Variants in PLPP3 observed in about 807,000 individuals in gnomAD.
PLPP3 encodes phospholipid phosphatase 3, also known as PAP2 beta.
PLPP3 carries 6 observed loss-of-function variants against 29.6 expected under a neutral mutation model. The ratio of observed to expected loss-of-function variants is 0.20; its 90% CI spans 0.11 to 0.40. The LOEUF is 0.40. Among genes scored for constraint, PLPP3 ranks in the 10% least tolerant of loss-of-function variants. PLPP3 has a pLI of 1.00. For missense variants in PLPP3, 308 were observed against 407.7 expected (o/e 0.76, Z 2.11); for synonymous variants, 152 against 159.7 (o/e 0.95, Z 0.36).
chr1:56,524,158 C>A lies in PLPP3; in HGVS notation c.575+119G>T. The A allele has an allele frequency of 8.0e-7, 1 of 1,253,852 alleles. No individual in the cohort carries two copies. The highest frequency in any genetic ancestry group is 1.4e-5 in the South Asian group (1 of 70,202). 77.7% of individuals were successfully genotyped at this position (1,253,852 alleles called of 1,614,324 possible). A position where few individuals can be genotyped will look rare whatever the true frequency, so the allele number is the denominator to read the frequency against. On this transcript the variant is annotated intron_variant, in intron 3 of 5. Transcript: ENST00000371250. This position sits in a 1 kb window ranked among gnomAD's most constrained non-coding sequence, Gnocchi z 4.3. ...CTCAATCATCTGACTGTGAGTTCCT[C>A]AAGAATAGGAACTATGCCTTATTCA...
At position 56,524,459 on chromosome 1, in the gene PLPP3, G is replaced by T. The variant is rs754837219; in HGVS notation, c.393C>A (p.Gly131=). 6.2e-7 allele frequency: 1 copy of T among 1,614,104 alleles called. No individual in the cohort carries two copies. The highest frequency in any genetic ancestry group is 8.5e-7 in the Non-Finnish European group (1 of 1,179,948). The change falls in exon 3 of 6, where the codon GGC becomes GGA. Residue 131 remains glycine, a synonymous_variant. Coordinates refer to ENST00000371250, the MANE Select transcript of PLPP3 (RefSeq NM_003713.5). This position sits in a 1 kb window ranked among gnomAD's most constrained non-coding sequence, Gnocchi z 4.3. ...TGATGGCACAGCCAAAGAGGAAGCAGCCCACTTGCTTATAGAGTGCTGCCA... is the reference window on the plus strand; with the variant it reads ...TGATGGCACAGCCAAAGAGGAAGCATCCCACTTGCTTATAGAGTGCTGCCA... ...PYVAALYKQV[G]CFLFGCAISQ...
chr1:56,528,387 G>T (rs1645866129), intron 2 of PLPP3, among the ~76,000 whole-genome samples: 1 of 152,146 alleles, frequency 6.6e-6, no homozygotes, highest in Admixed American at 6.5e-5. Context: ...CTGTTATGGA[G>T]AGGAAATATG....
intron 1 of PLPP3, among the ~76,000 whole-genome samples, chr1:56,563,043 A>G (rs1239675970): frequency 6.6e-6 from 1 of 152,190 alleles, no homozygotes; most frequent in Non-Finnish European, 1.5e-5. Context: ...TCCACAGTGG[A>G]GGAAGAGCCC....
chr1:56,560,273 T>A (rs1357480990), intron 1 of PLPP3, among the ~76,000 whole-genome samples: 1 of 152,224 alleles, frequency 6.6e-6, no homozygotes, highest in Non-Finnish European at 1.5e-5. Context: ...CATCATTTAT[T>A]CAGGTGCTTT....
At chr1:56,544,780 C>T (rs571884730) in intron 1 of PLPP3, among the ~76,000 whole-genome samples, 17 of 152,140 alleles carry the variant, frequency 1.1e-4, no homozygotes, top group Non-Finnish European at 2.2e-4. Flanking sequence ...AAGTCAGCTA[C>T]GAAACTCTTG....
chr1:56,555,955 G>A (rs563937696), intron 1 of PLPP3, among the ~76,000 whole-genome samples: 3 of 152,222 alleles, frequency 2.0e-5, no homozygotes, highest in Admixed American at 6.5e-5. Context: ...AATTCAGATC[G>A]AGGAAGACAT....
chr1:56,543,666 C>T (rs755658331), intron 1 of PLPP3, among the ~76,000 whole-genome samples: 6 of 152,146 alleles, frequency 3.9e-5, no homozygotes. Flanking sequence ...TGGACACAAT[C>T]CAGATGAGAC....
At chr1:56,502,368 A>G (rs1645673634) in intron 5 of PLPP3, among the ~76,000 whole-genome samples, 1 of 152,232 alleles carries the variant, frequency 6.6e-6, no homozygotes, top group South Asian at 2.1e-4. Flanking sequence ...AAGAAAATTG[A>G]GCATCATCTA....
chr1:56,548,577 G>A (rs1646019700), intron 1 of PLPP3, among the ~76,000 whole-genome samples: 1 of 152,166 alleles, frequency 6.6e-6, no homozygotes, highest in Non-Finnish European at 1.5e-5. Flanking sequence ...GAAAATGAGG[G>A]AGAAAATTCC....
intron 5 of PLPP3, among the ~76,000 whole-genome samples, chr1:56,504,495 C>T (rs538909748): frequency 7.4e-4 from 113 of 152,186 alleles, no homozygotes; most frequent in Non-Finnish European, 1.2e-3. Context: ...ATGACCAAGG[C>T]TCAACAAAGG....
chr1:56,522,677 A>G (rs1019902040), intron 4 of PLPP3, among the ~76,000 whole-genome samples: 6 of 148,154 alleles, frequency 4.0e-5, no homozygotes, highest in South Asian at 2.1e-4. Flanking sequence ...GATTGGGGGG[A>G]AAAATAAATA....
chr1:56,502,717 GT>G (rs1645676427), intron 5 of PLPP3, among the ~76,000 whole-genome samples: 1 of 152,162 alleles, frequency 6.6e-6, no homozygotes, highest in African/African-American at 2.4e-5. Context: ...CCATCTTAGT[GT>G]TAGGCCGTAG....
intron 5 of PLPP3, among the ~76,000 whole-genome samples, chr1:56,501,921 A>C (rs1645670863): frequency 6.6e-6 from 1 of 152,230 alleles, no homozygotes; most frequent in South Asian, 2.1e-4. Context: ...CAAAGTTCTT[A>C]CAATTTCTAG....
chr1:56,555,433 TAAAAA>T (rs66593221), intron 1 of PLPP3, among the ~76,000 whole-genome samples: 2 of 33,214 alleles, frequency 6.0e-5, no homozygotes, highest in Non-Finnish European at 1.1e-4. Context: ...GGCCAAACAC[TAAAAA>T]AAAAAAAAAA....
rs145573744 is a variant in PLPP3 at position 56,518,715 on chromosome 1, T to TTATATATATATATATATATATATATATA, written c.633+5107_633+5108insTATATATATATATATATATATATATATA. 5.7e-3 allele frequency among the ~76,000 whole-genome samples: 715 copies of TTATATATATATATATATATATATATATA among 126,374 alleles called. 11 individuals carry two copies. Among genetic ancestry groups the TTATATATATATATATATATATATATATA allele is most frequent in the Non-Finnish European group, 9.9e-3 (566 of 57,098 alleles). The allele number at this position is 126,374 out of a possible 152,430, so 82.9% of individuals were successfully genotyped here. A position where few individuals can be genotyped will look rare whatever the true frequency, so the allele number is the denominator to read the frequency against. ...GGAATTTACAGCCTTTTTTAATCAT[T>TTATATATATATATATATATATATATATA]TATATATATATATATATATAGACAG... On this transcript the variant is annotated intron_variant, in intron 4 of 5. Coordinates refer to ENST00000371250, the MANE Select transcript of PLPP3 (RefSeq NM_003713.5).
chr1:56,534,125 A>T (rs1366647309), intron 2 of PLPP3, among the ~76,000 whole-genome samples: 1 of 152,206 alleles, frequency 6.6e-6, no homozygotes, highest in African/African-American at 2.4e-5. Context: ...TACTCTTTGT[A>T]ATACAGTGCA....
intron 1 of PLPP3, among the ~76,000 whole-genome samples, chr1:56,555,620 C>T (rs912704610): frequency 6.6e-6 from 1 of 151,940 alleles, no homozygotes; most frequent in Admixed American, 6.6e-5. Flanking sequence ...GTCACTGTGT[C>T]CCTGAATGGA....
At chr1:56,578,705 G>T (rs951153312) in intron 1 of PLPP3, among the ~76,000 whole-genome samples, 173 bp downstream of exon 1, 3 of 152,100 alleles carry the variant, frequency 2.0e-5, no homozygotes, top group African/African-American at 7.2e-5. Context: ...GTGGGATCGG[G>T]GAGGGCGGGG....
At chr1:56,577,756 T>C (rs930103010) in intron 1 of PLPP3, among the ~76,000 whole-genome samples, 3 of 151,966 alleles carry the variant, frequency 2.0e-5, no homozygotes, top group African/African-American at 7.3e-5. Flanking sequence ...CAAATCCGAG[T>C]TCCTAATGCG....
Sources: allele counts gnomAD v4.1 joint callset (sites outside exome capture counted in the v4.1 genomes callset), GRCh38; gene constraint gnomAD v4.1.1; non-coding constraint Gnocchi (gnomAD v3.1); transcripts MANE v1.5; gene names NCBI Gene and HGNC (gene_info 2026-07-23, HGNC 2026-07-21).